Variants in FGF14 observed in about 807,000 individuals in gnomAD.
The protein encoded by FGF14 is fibroblast growth factor homologous factor 4.
A neutral mutation model predicts 25.5 loss-of-function variants in FGF14; 5 were observed. The ratio of observed to expected loss-of-function variants is 0.20; its 90% CI spans 0.10 to 0.41. The LOEUF is 0.41. Ranked by LOEUF, FGF14 falls within the 10% of genes least tolerant of loss-of-function variation. FGF14 has a pLI of 1.00. For missense variants in FGF14, 222 were observed against 320.1 expected (o/e 0.69, Z 2.34); for synonymous variants, 138 against 118.3 (o/e 1.17, Z -1.08).
chr13:101,973,363 G>A (rs2037730251), intron 1 of FGF14, among the ~76,000 whole-genome samples: 1 of 152,074 alleles, frequency 6.6e-6, no homozygotes, highest in Non-Finnish European at 1.5e-5. Context: ...AATAATGCAG[G>A]TTGGCTTGGA....
At chr13:101,844,665 G>A (rs567980895) in intron 3 of FGF14, among the ~76,000 whole-genome samples, 1 of 151,916 alleles carries the variant, frequency 6.6e-6, no homozygotes, top group Non-Finnish European at 1.5e-5. Context: ...CAAATATTCA[G>A]TGATAAAATA....
intron 1 of FGF14, among the ~76,000 whole-genome samples, chr13:102,174,018 T>C (rs1292696549): frequency 6.6e-6 from 1 of 152,078 alleles, no homozygotes; most frequent in Non-Finnish European, 1.5e-5. Context: ...TATATGCTGA[T>C]GACATGATCT....
chr13:101,834,374 T>C (rs2042819825), intron 3 of FGF14, among the ~76,000 whole-genome samples: 1 of 152,144 alleles, frequency 6.6e-6, no homozygotes, highest in South Asian at 2.1e-4. Flanking sequence ...AATCAAACCA[T>C]CAGCAAAGGG....
At chr13:102,297,528 T>G (rs2054784321) in intron 1 of FGF14, among the ~76,000 whole-genome samples, 1 of 152,110 alleles carries the variant, frequency 6.6e-6, no homozygotes, top group Non-Finnish European at 1.5e-5. Context: ...TGGGATATAA[T>G]GAGAACTCTG....
chr13:102,249,688 G>A (rs1421623237), intron 1 of FGF14, among the ~76,000 whole-genome samples: 3 of 152,116 alleles, frequency 2.0e-5, no homozygotes, highest in Non-Finnish European at 2.9e-5. Flanking sequence ...TATTTCAACC[G>A]AGTCACCAAT....
chr13:101,906,048 C>T (rs1414444977), intron 1 of FGF14, among the ~76,000 whole-genome samples: 1 of 152,136 alleles, frequency 6.6e-6, no homozygotes, highest in Non-Finnish European at 1.5e-5. Flanking sequence ...CCTACACTTT[C>T]CTTTAATTCA....
In FGF14 at chr13:102,339,189, G is replaced by A. The variant is rs751917164; in HGVS notation, c.208+62282C>T. 1.3e-4 allele frequency among the ~76,000 whole-genome samples: 20 copies of A among 151,530 alleles called. 1 individual carries two copies. The highest frequency in any genetic ancestry group is 2.4e-4 in the African/African-American group (10 of 41,240). ...GCATGCCTGTATCAGAACATCTCAC[G>A]TACCCCATAAATATATATACCTACT... is the stretch of plus-strand genomic sequence containing the variant. On this transcript the variant is annotated intron_variant, in intron 1 of 4. Coordinates refer to the FGF14 transcript ENST00000376131.
chr13:101,828,516 G>C (rs904920868), intron 3 of FGF14, among the ~76,000 whole-genome samples: 2 of 148,452 alleles, frequency 1.3e-5, no homozygotes, highest in African/African-American at 5.0e-5. Flanking sequence ...GTCTTGTACT[G>C]TTTGAGTTTA....
intron 1 of FGF14, among the ~76,000 whole-genome samples, chr13:102,188,737 C>T (rs368302821): frequency 5.3e-5 from 8 of 151,586 alleles, no homozygotes; most frequent in East Asian, 3.9e-4. Flanking sequence ...GCCAGAAGTT[C>T]GAGACCAGCC....
intron 1 of FGF14, among the ~76,000 whole-genome samples, chr13:102,159,609 C>T (rs755992861): frequency 6.6e-6 from 1 of 152,306 alleles, no homozygotes; most frequent in Non-Finnish European, 1.5e-5. Flanking sequence ...TCCCACCTAT[C>T]AAACTGTAGC....
At chr13:102,139,599 G>T (rs767017537) in intron 1 of FGF14, among the ~76,000 whole-genome samples, 2 of 152,106 alleles carry the variant, frequency 1.3e-5, no homozygotes, top group African/African-American at 2.4e-5. Context: ...GCTGTGGAGG[G>T]GGGGATGGCA....
chr13:101,903,110 T>C (rs2031779096), intron 1 of FGF14, among the ~76,000 whole-genome samples: 1 of 152,134 alleles, frequency 6.6e-6, no homozygotes, highest in Admixed American at 6.6e-5. Context: ...TTTAGAAGCA[T>C]GCATGCTGTT....
At chr13:102,283,951 C>A (rs1415102121) in intron 1 of FGF14, among the ~76,000 whole-genome samples, 1 of 152,056 alleles carries the variant, frequency 6.6e-6, no homozygotes, top group African/African-American at 2.4e-5. Context: ...TATGTCAGTA[C>A]GTAGTAGGTA....
chr13:102,047,342 CTAAAA>C (rs2042029192), intron 1 of FGF14, among the ~76,000 whole-genome samples: 1 of 151,930 alleles, frequency 6.6e-6, no homozygotes, highest in African/African-American at 2.4e-5. Context: ...TAATGCAAAC[CTAAAA>C]GATTCTAATT....
intron 1 of FGF14, among the ~76,000 whole-genome samples, chr13:101,894,536 G>A (rs1159234398): frequency 6.6e-6 from 1 of 152,144 alleles, no homozygotes; most frequent in Admixed American, 6.6e-5. Flanking sequence ...CGCTACAGCT[G>A]CGAAGTTGAC....
intron 1 of FGF14, among the ~76,000 whole-genome samples, chr13:102,386,883 G>A (rs1450185949): frequency 1.3e-5 from 2 of 152,128 alleles, no homozygotes; most frequent in African/African-American, 4.8e-5. Context: ...TATTGCATTC[G>A]CACTCATTTG....
rs1167021899 is a variant in FGF14, at chr13:101,721,275, G to A, written c.*1556C>T. 2 of 152,116 alleles carry A rather than the reference G, an allele frequency of 1.3e-5. No homozygotes were observed. The highest frequency in any genetic ancestry group is 4.1e-4 in the South Asian group (2 of 4,834). The allele number at this position is 152,116 out of a possible 1,614,324, so 9.4% of individuals were successfully genotyped here. Reference sequence around the variant, plus strand: ...CTTTAGATCCAATATTGAACATTTTGCATGGAATCTTCATTGTGTAGTCAA... The same window carrying A: ...CTTTAGATCCAATATTGAACATTTTACATGGAATCTTCATTGTGTAGTCAA... On this transcript the variant is annotated 3_prime_UTR_variant, in exon 5 of 5. Transcript: ENST00000376143.
chr13:102,034,640 T>C (rs1318407316), intron 1 of FGF14, among the ~76,000 whole-genome samples: 1 of 151,960 alleles, frequency 6.6e-6, no homozygotes, highest in African/African-American at 2.4e-5. Flanking sequence ...AATGCAAAAA[T>C]ATCCATGATA....
intron 1 of FGF14, among the ~76,000 whole-genome samples, chr13:102,064,463 A>G (rs1485399865): frequency 6.6e-6 from 1 of 152,068 alleles, no homozygotes; most frequent in Non-Finnish European, 1.5e-5. Flanking sequence ...CTTCTCCAAG[A>G]CAGTTTTTAA....
Sources: allele counts gnomAD v4.1 joint callset (sites outside exome capture counted in the v4.1 genomes callset), GRCh38; gene constraint gnomAD v4.1.1; transcripts MANE v1.5; gene names NCBI Gene and HGNC (gene_info 2026-07-23, HGNC 2026-07-21).